The following NUP58 variants were observed in gnomAD, a reference collection of about 807,000 sequenced individuals.
NUP58 encodes nucleoporin 58, also known as nucleoporin p58/p45.
NUP58 carries 17 observed loss-of-function variants against 70.1 expected under a neutral mutation model. The observed-to-expected ratio is 0.24, with a 90% CI of 0.17 to 0.36. NUP58 has a LOEUF of 0.36. Ranked by LOEUF, NUP58 falls within the 10% of genes least tolerant of loss-of-function variation. The pLI, the probability that NUP58 is intolerant of heterozygous loss-of-function variation, is 1.00. For missense variants in NUP58, 644 were observed against 701.5 expected (o/e 0.92, Z 0.93); for synonymous variants, 275 against 257.6 (o/e 1.07, Z -0.65).
At chr13:25,327,055 AT>A (rs751983169) in intron 11 of NUP58, 21 bp downstream of exon 11, 289 of 1,402,772 alleles carry the variant, frequency 2.1e-4, no homozygotes, top group East Asian at 4.2e-4. Flanking sequence ...TACTGTGGTA[AT>A]TTTTTTTGAA....
chr13:25,320,563 T>G lies in NUP58; in HGVS notation c.744T>G (p.Pro248=), dbSNP rs149094964. 6.2e-7 allele frequency: 1 copy of G among 1,610,798 alleles called. No individual in the cohort carries two copies. The highest frequency in any genetic ancestry group is 2.2e-5 in the East Asian group (1 of 44,722). The change falls in exon 8 of 16, where the codon CCT becomes CCG. Residue 248 remains proline (P), a synonymous_variant. Transcript: ENST00000381736. ...AAGCTCTGAAGGATGAAAATCTACC[T>G]CCTGTCATCTGCCAGGATGTTGAAA... The part of the protein sequence containing the change: ...DSKALKDENL[P]PVICQDVENL...
intron 3 of NUP58, 137 bp from the exon 4 acceptor site, chr13:25,312,746 C>A: frequency 1.4e-6 from 1 of 740,374 alleles, no homozygotes; most frequent in Non-Finnish European, 2.1e-6. Context: ...TTTTCTCTCA[C>A]AGATACACCC....
intron 11 of NUP58, 34 bp downstream of exon 11, chr13:25,327,068 T>C: frequency 7.8e-7 from 1 of 1,286,230 alleles, no homozygotes; most frequent in Non-Finnish European, 1.1e-6. Flanking sequence ...TTTTTTGAAC[T>C]TTTGTTTGTA....
intron 3 of NUP58, among the ~76,000 whole-genome samples, chr13:25,310,270 G>A (rs1375322930): frequency 2.7e-5 from 4 of 146,330 alleles, no homozygotes; most frequent in African/African-American, 1.0e-4. Flanking sequence ...GCCCAGGCTG[G>A]AGTGCAATGG....
chr13:25,307,211 ATTT>A (rs72132780), intron 1 of NUP58, among the ~76,000 whole-genome samples: 12 of 98,590 alleles, frequency 1.2e-4, no homozygotes, highest in Admixed American at 2.9e-4. Flanking sequence ...CTGGTATTGT[ATTT>A]TTTTTTTTTT....
intron 12 of NUP58, among the ~76,000 whole-genome samples, chr13:25,327,889 T>A (rs2031457092): frequency 6.6e-6 from 1 of 152,102 alleles, no homozygotes; most frequent in African/African-American, 2.4e-5. Context: ...TTTACTACTA[T>A]AAATAGCACT....
At chr13:25,320,360 T>C in intron 7 of NUP58, 170 bp from the exon 8 acceptor site, 1 of 501,314 alleles carries the variant, frequency 2.0e-6, no homozygotes, top group Non-Finnish European at 3.5e-6. Flanking sequence ...TAGATCCTAT[T>C]TACAATAAAT....
At chr13:25,319,414 C>G (rs1014866084) in intron 7 of NUP58, 64 bp downstream of exon 7, 1 of 1,432,732 alleles carries the variant, frequency 7.0e-7, no homozygotes, top group Non-Finnish European at 9.8e-7. Flanking sequence ...AAATTGTAGG[C>G]AGATGGTATA....
rs780162382 is a variant in NUP58, at chr13:25,320,918, G to A, written c.777-1G>A. ...AACTCAGTTTTAAATATATTTTTTA[G>A]GAAATTTGTGAAGGAGCAGAAACAA... On this transcript the variant is annotated splice_acceptor_variant, in intron 8 of 15. Transcript: ENST00000381736. LOFTEE classifies it high-confidence loss of function. 1 of 1,536,000 alleles carries A rather than the reference G, an allele frequency of 6.5e-7. No homozygotes were observed. Among genetic ancestry groups the A allele is most frequent in the African/African-American group, 1.4e-5 (1 of 70,726 alleles).
intron 14 of NUP58, 85 bp from the exon 15 acceptor site, chr13:25,338,551 C>T (rs535838375): frequency 2.1e-6 from 2 of 938,038 alleles, no homozygotes; most frequent in African/African-American, 1.6e-5. Flanking sequence ...TGTTAGACCT[C>T]TGATGATTTT....
At chr13:25,309,480 T>C (rs2030546449) in intron 3 of NUP58, 198 bp downstream of exon 3, 1 of 450,912 alleles carries the variant, frequency 2.2e-6, no homozygotes, top group Non-Finnish European at 3.9e-6. Flanking sequence ...CGTAGAGTAC[T>C]TTTATAATTC....
rs1414692509 is a variant in NUP58 at position 25,340,999 on chromosome 13, T to C, written c.*865T>C. ...AGACTGTTCCCCTTTTCTAAGGGTA[T>C]TCAAGTTTTCACCTTTTAAGCTTCA... On this transcript the variant is annotated 3_prime_UTR_variant, in exon 16 of 16. Transcript: ENST00000381736. The C allele has an allele frequency of 6.6e-6, 1 of 152,194 alleles. No homozygotes were observed. The highest frequency in any genetic ancestry group is 2.4e-5 in the African/African-American group (1 of 41,440). 9.4% of individuals were successfully genotyped at this position (152,194 alleles called of 1,614,324 possible).
At chr13:25,325,158 A>G (rs753712567) in intron 10 of NUP58, 90 bp downstream of exon 10, 4 of 914,424 alleles carry the variant, frequency 4.4e-6, no homozygotes, top group Non-Finnish European at 6.8e-6. Context: ...TTTTTAGTAT[A>G]CTATGTGGAA....
At chr13:25,314,044 C>T (rs1489458958) in intron 5 of NUP58, among the ~76,000 whole-genome samples, 1 of 152,106 alleles carries the variant, frequency 6.6e-6, no homozygotes, top group Non-Finnish European at 1.5e-5. Context: ...GATTCTCCTG[C>T]CTCAGCCTCC....
downstream of NUP58, among the ~76,000 whole-genome samples, chr13:25,343,083 T>TTTAGTGGTGA (rs2031997393): frequency 6.6e-6 from 1 of 152,130 alleles, no homozygotes; most frequent in Non-Finnish European, 1.5e-5. Flanking sequence ...GAGTAAGTTC[T>TTTAGTGGTGA]TTAGTGGTGA....
At chr13:25,305,147 T>TTTGTTTG (rs1555253624) in intron 1 of NUP58, among the ~76,000 whole-genome samples, 12,247 of 125,592 alleles carry the variant, frequency 0.098, 944 homozygotes, top group East Asian at 0.24. Flanking sequence ...TTTTTTTTTT[T>TTTGTTTG]TTTTTTTTTT....
At chr13:25,310,015 A>G (rs764952073) in intron 3 of NUP58, 1 of 406,294 alleles carries the variant, frequency 2.5e-6, no homozygotes, top group Non-Finnish European at 4.9e-6. Flanking sequence ...TGCAAACACA[A>G]GCAAGTGAAT....
intron 14 of NUP58, 68 bp downstream of exon 14, chr13:25,337,102 A>C: frequency 9.9e-7 from 1 of 1,012,900 alleles, no homozygotes; most frequent in Non-Finnish European, 1.4e-6. Flanking sequence ...GCCTGTAAAA[A>C]AAAATTTCTA....
intron 14 of NUP58, 62 bp downstream of exon 14, chr13:25,337,096 G>A: frequency 2.7e-6 from 3 of 1,112,202 alleles, no homozygotes; most frequent in Non-Finnish European, 2.5e-6. Context: ...ATACTAGCCT[G>A]TAAAAAAAAA....
Sources: gnomAD v4.1 joint callset for allele counts (sites outside exome capture counted in the v4.1 genomes callset) on GRCh38, gnomAD v4.1.1 for gene constraint, MANE v1.5 for transcripts, NCBI Gene and HGNC (gene_info 2026-07-23, HGNC 2026-07-21) for gene names.